The following CYREN variants were observed in gnomAD, a reference collection of about 807,000 sequenced individuals.
The protein encoded by CYREN is cell cycle regulator of NHEJ, also known as cell cycle regulator of non-homologous end joining.
Under a neutral mutation model 9.7 loss-of-function variants are expected in CYREN, and 7 were observed. The observed-to-expected ratio is 0.72, with a 90% CI of 0.41 to 1.36. The LOEUF (loss-of-function observed/expected upper bound fraction) is 1.36, where lower values mean the gene tolerates loss of function less well. Ranked by LOEUF, CYREN falls within the 40% of genes most tolerant of loss-of-function variation. CYREN has a pLI of 0.01. For missense variants in CYREN, 215 were observed against 198.1 expected, an observed-to-expected ratio of 1.09 and a Z score of -0.51; for synonymous variants, 76 against 77.9, an observed-to-expected ratio of 0.98 and a Z score of 0.13.
chr7:135,130,976 G>GT (rs1828675420), intron 2 of CYREN, among the ~76,000 whole-genome samples: 1 of 151,996 alleles, frequency 6.6e-6, no homozygotes, highest in Non-Finnish European at 1.5e-5. Flanking sequence ...AGAACATATT[G>GT]TTTTTTTCCT....
At chr7:135,126,164 A>G (rs1232352839) in intron 2 of CYREN, among the ~76,000 whole-genome samples, 1 of 152,032 alleles carries the variant, frequency 6.6e-6, no homozygotes, top group Non-Finnish European at 1.5e-5. Flanking sequence ...CAGCCCCAAA[A>G]CTCCTTAACT....
intron 2 of CYREN, among the ~76,000 whole-genome samples, chr7:135,133,097 AC>A (rs1829022040): frequency 7.0e-6 from 1 of 142,550 alleles, no homozygotes; most frequent in Non-Finnish European, 1.6e-5. Flanking sequence ...ACACACACAC[AC>A]AACCTTTAGA....
At chr7:135,128,629 T>C (rs1430992975) in intron 2 of CYREN, 4 of 821,132 alleles carry the variant, frequency 4.9e-6, no homozygotes, top group Non-Finnish European at 8.6e-6. Context: ...GGCAGCGTGA[T>C]CCCGTTTGCC....
intron 3 of CYREN, chr7:135,167,124 G>A (rs1830219024): frequency 1.0e-6 from 1 of 985,384 alleles, no homozygotes; most frequent in South Asian, 4.7e-5. Context: ...TAGCTGAGGG[G>A]AAAGGAAAAA....
At chr7:135,132,786 C>T (rs914606848) in intron 2 of CYREN, among the ~76,000 whole-genome samples, 4 of 152,084 alleles carry the variant, frequency 2.6e-5, no homozygotes, top group South Asian at 4.1e-4. Context: ...GCCAAGATTG[C>T]GAGGCCTCCC....
At chr7:135,143,647 T>C (rs1031653470) in intron 2 of CYREN, among the ~76,000 whole-genome samples, 1 of 152,022 alleles carries the variant, frequency 6.6e-6, no homozygotes. Flanking sequence ...GTGTTTAATA[T>C]TGAATTTAAA....
intron 2 of CYREN, chr7:135,148,218 T>G (rs1829587446): frequency 2.4e-6 from 1 of 417,928 alleles, no homozygotes; most frequent in Non-Finnish European, 4.7e-6. Flanking sequence ...CCAACCCTGA[T>G]TTCCTGCTTC....
chr7:135,169,823 T>C (rs940348533), intron 1 of CYREN, among the ~76,000 whole-genome samples: 1 of 151,958 alleles, frequency 6.6e-6, no homozygotes, highest in East Asian at 1.9e-4. Context: ...AAAAAAAGAG[T>C]AGTCAGCGAT....
chr7:135,124,334 A>G (rs1377041072), intron 2 of CYREN, among the ~76,000 whole-genome samples: 1 of 152,250 alleles, frequency 6.6e-6, no homozygotes, highest in Non-Finnish European at 1.5e-5. Flanking sequence ...GAACAATTCA[A>G]CAAGAAGAGC....
chr7:135,128,327 A>AC (rs1828236585), intron 2 of CYREN: 1 of 257,578 alleles, frequency 3.9e-6, no homozygotes, highest in African/African-American at 2.3e-5. Flanking sequence ...AAACGAAAAA[A>AC]AAAAACAAAA....
intron 2 of CYREN, among the ~76,000 whole-genome samples, chr7:135,158,015 A>C (rs1406651760): frequency 6.6e-6 from 1 of 151,732 alleles, no homozygotes; most frequent in Admixed American, 6.6e-5. Flanking sequence ...CGTAGCAGGC[A>C]CTGGGTATTG....
At chr7:135,100,602 T>C (rs368402218) in intron 2 of CYREN, among the ~76,000 whole-genome samples, 2 of 152,220 alleles carry the variant, frequency 1.3e-5, no homozygotes, top group African/African-American at 4.8e-5. Flanking sequence ...TGATGAAAGA[T>C]GTAGACTCTC....
chr7:135,103,391 A>G (rs540168620), intron 2 of CYREN, among the ~76,000 whole-genome samples: 6 of 152,316 alleles, frequency 3.9e-5, no homozygotes, highest in Admixed American at 2.0e-4. Context: ...TCTCACAACT[A>G]TCAATAATCT....
chr7:135,155,862 A>G (rs895325629), intron 2 of CYREN, among the ~76,000 whole-genome samples: 2 of 152,220 alleles, frequency 1.3e-5, no homozygotes, highest in Non-Finnish European at 2.9e-5. Flanking sequence ...AAAATAATTA[A>G]TTAAAAACAC....
intron 2 of CYREN, among the ~76,000 whole-genome samples, chr7:135,136,579 G>A (rs151232614): frequency 1.7e-3 from 253 of 152,098 alleles, no homozygotes; most frequent in African/African-American, 5.9e-3. Flanking sequence ...GTAGGTGCTC[G>A]GGCTTGGGAA....
chr7:135,096,558 A>AAGATAGATAGATAGATAGATAGATAGAT lies in CYREN; in HGVS notation n.357-1977_357-1976insATCTATCTATCTATCTATCTATCTATCT, dbSNP rs1167936702. On this transcript the variant is annotated intron_variant and non_coding_transcript_variant, in intron 2 of 2. Coordinates refer to the CYREN transcript ENST00000459937. ...AAAAAGAAAAAGAAAGAAAGAAAGA[A>AAGATAGATAGATAGATAGATAGATAGAT]AGATAGATAGATAGATAGATAGATA... 1.3e-3 allele frequency among the ~76,000 whole-genome samples: 107 copies of AAGATAGATAGATAGATAGATAGATAGAT among 79,770 alleles called. 1 individual carries two copies. The highest frequency in any genetic ancestry group is 4.6e-3 in the East Asian group (15 of 3,280). 52.3% of individuals were successfully genotyped at this position (79,770 alleles called of 152,430 possible). A position where few individuals can be genotyped will look rare whatever the true frequency, so the allele number is the denominator to read the frequency against.
At chr7:135,096,863 A>G (rs1822976498) in intron 2 of CYREN, among the ~76,000 whole-genome samples, 1 of 152,220 alleles carries the variant, frequency 6.6e-6, no homozygotes, top group African/African-American at 2.4e-5. Flanking sequence ...ACAACTAGGA[A>G]GATACGCAAA....
chr7:135,160,488 T>C (rs541269591), intron 2 of CYREN, among the ~76,000 whole-genome samples: 4 of 152,302 alleles, frequency 2.6e-5, no homozygotes, highest in African/African-American at 9.6e-5. Flanking sequence ...AAGATCCATA[T>C]GCTGTCACTG....
downstream of CYREN, chr7:135,164,414 G>A (rs1311515225): frequency 3.0e-5 from 47 of 1,580,748 alleles, no homozygotes; most frequent in Non-Finnish European, 3.7e-5. Context: ...TGACTTCCCC[G>A]CAGGTCCCCC....
Sources: gnomAD v4.1 joint callset for allele counts (sites outside exome capture counted in the v4.1 genomes callset) on GRCh38, gnomAD v4.1.1 for gene constraint, MANE v1.5 for transcripts, NCBI Gene and HGNC (gene_info 2026-07-23, HGNC 2026-07-21) for gene names.